The following PCDHGB5 variants were observed in gnomAD, a reference collection of about 807,000 sequenced individuals.
The protein encoded by PCDHGB5 is protocadherin gamma subfamily B, 5.
In PCDHGB5, 48 loss-of-function variants were observed where a neutral mutation model predicts 62.9. The observed-to-expected ratio is 0.76, with a 90% CI of 0.61 to 0.97. PCDHGB5 has a LOEUF of 0.97. PCDHGB5 is among the 50% of genes least tolerant of loss of function. The pLI is 0.00. For synonymous variants in PCDHGB5, 474 were observed against 511.2 expected, an observed-to-expected ratio of 0.93 and a Z score of 0.98; for missense variants, 1,118 against 1,198.6, an observed-to-expected ratio of 0.93 and a Z score of 0.99.
At position 141,489,651 on chromosome 5, in the gene PCDHGB5, G is replaced by A; in HGVS notation, c.2398-5156G>A. 6.2e-7 allele frequency: 1 copy of A among 1,614,186 alleles called. No individual in the cohort carries two copies. Among genetic ancestry groups the A allele is most frequent in the Non-Finnish European group, 8.5e-7 (1 of 1,180,032 alleles). ...ACTCTCCTAGCTTTGCCACCCCTGA[G>A]CGAGAGATGCGCATCTCAGAATCAG... On this transcript the variant is annotated intron_variant, in intron 1 of 3. Coordinates refer to ENST00000617380, the MANE Select transcript of PCDHGB5 (RefSeq NM_018925.3). The surrounding 1 kb of genome is among the most constrained non-coding windows in gnomAD (Gnocchi z 4.5).
chr5:141,455,130 A>T (rs1446894125), intron 1 of PCDHGB5, among the ~76,000 whole-genome samples: 2 of 150,970 alleles, frequency 1.3e-5, no homozygotes, highest in African/African-American at 4.8e-5. Flanking sequence ...GTTTTAAATT[A>T]CACTGTGTTA....
At position 141,454,796 on chromosome 5, in the gene PCDHGB5, A is replaced by ATTTTTTTTTTTTTTTTTTTT. The variant is rs61612330; in HGVS notation, c.2398-40001_2398-39982dup. Among the ~76,000 whole-genome samples, 20 of 77,456 alleles carry ATTTTTTTTTTTTTTTTTTTT rather than the reference A, an allele frequency of 2.6e-4. 2 individuals carry two copies. Among genetic ancestry groups the ATTTTTTTTTTTTTTTTTTTT allele is most frequent in the South Asian group, 5.1e-4 (1 of 1,960 alleles). The allele number at this position is 77,456 out of a possible 152,430, so 50.8% of individuals were successfully genotyped here. On this transcript the variant is annotated intron_variant, in intron 1 of 3. Transcript: ENST00000617380. Reference sequence around the variant, plus strand: ...AAGGAAATAATCCTCCATGGTTCTAATTTTTTTTTTTTTTTTTTTTTTTTT... The same window carrying ATTTTTTTTTTTTTTTTTTTT: ...AAGGAAATAATCCTCCATGGTTCTAATTTTTTTTTTTTTTTTTTTTTTTTTTTTTTTTTTTTTTTTTTTTT...
intron 1 of PCDHGB5, among the ~76,000 whole-genome samples, chr5:141,456,944 C>G (rs1172050038): frequency 6.6e-6 from 1 of 152,138 alleles, no homozygotes; most frequent in Non-Finnish European, 1.5e-5. Context: ...GCCTGGGCAA[C>G]AGAGCAAAAC....
chr5:141,427,467 T>TC, intron 1 of PCDHGB5: 1 of 508,052 alleles, frequency 2.0e-6, no homozygotes. Flanking sequence ...AATCGAATCT[T>TC]CCGCCAATAA....
chr5:141,428,154 T>C, intron 1 of PCDHGB5: 2 of 1,578,924 alleles, frequency 1.3e-6, no homozygotes, highest in Non-Finnish European at 1.7e-6. Flanking sequence ...CACGGGAACC[T>C]GCTGGTTGCT....
At chr5:141,509,106 A>T (rs1159119530) in intron 3 of PCDHGB5, among the ~76,000 whole-genome samples, 1 of 152,102 alleles carries the variant, frequency 6.6e-6, no homozygotes, top group Non-Finnish European at 1.5e-5. Flanking sequence ...TAGAAACCTG[A>T]GCGCTGGTGC....
intron 1 of PCDHGB5, chr5:141,423,343 C>T: frequency 6.2e-7 from 1 of 1,614,208 alleles, no homozygotes; most frequent in South Asian, 1.1e-5. Flanking sequence ...CTGCATCTTC[C>T]TGGTCTTTGT....
intron 1 of PCDHGB5, chr5:141,418,770 A>G: frequency 6.2e-7 from 1 of 1,613,892 alleles, no homozygotes; most frequent in Non-Finnish European, 8.5e-7. Context: ...ATTCTAACTC[A>G]GCAGCCTTTG....
chr5:141,418,647 G>C, intron 1 of PCDHGB5: 1 of 1,614,034 alleles, frequency 6.2e-7, no homozygotes, highest in Non-Finnish European at 8.5e-7. Flanking sequence ...TCCATCCTGA[G>C]AGTGAAGGCC....
At chr5:141,467,018 CTTTGT>C (rs1209768587) in intron 1 of PCDHGB5, among the ~76,000 whole-genome samples, 4 of 149,992 alleles carry the variant, frequency 2.7e-5, no homozygotes, top group African/African-American at 7.3e-5. Context: ...ATTTTTTTCC[CTTTGT>C]TTTTGTTTTT....
chr5:141,432,413 G>T lies in PCDHGB5; in HGVS notation c.2397+31889G>T, dbSNP rs369816901. On this transcript the variant is annotated intron_variant, in intron 1 of 3. Transcript: ENST00000617380. This position sits in a 1 kb window ranked among gnomAD's most constrained non-coding sequence, Gnocchi z 6.0. ...CAGCAACGTGTCGTTGAGCCTGTTCGTGCTGGACCAGAACGACAATGCGCC... is the reference window on the plus strand; with the variant it reads ...CAGCAACGTGTCGTTGAGCCTGTTCTTGCTGGACCAGAACGACAATGCGCC... The T allele has an allele frequency of 6.2e-7, 1 of 1,614,232 alleles. No homozygotes were observed.
Position 141,432,970 on chromosome 5 carries a change from G to C in PCDHGB5, c.2397+32446G>C, listed in dbSNP as rs371130763. On this transcript the variant is annotated intron_variant, in intron 1 of 3. Transcript: ENST00000617380. This position sits in a 1 kb window ranked among gnomAD's most constrained non-coding sequence, Gnocchi z 6.0. ...GAGGCGGCTTGACAGGAGCGCCGGC[G>C]TCGCACTTTGTGGGCGTGGACGGGG... is the stretch of plus-strand genomic sequence containing the variant. 25 of 1,614,114 alleles carry C rather than the reference G, an allele frequency of 1.5e-5. No individual in the cohort carries two copies. Among genetic ancestry groups the C allele is most frequent in the African/African-American group, 1.1e-4 (8 of 75,054 alleles).
chr5:141,449,876 C>G (rs924666805), intron 1 of PCDHGB5, among the ~76,000 whole-genome samples: 2 of 151,724 alleles, frequency 1.3e-5, no homozygotes, highest in Non-Finnish European at 2.9e-5. Flanking sequence ...AATTTAACAT[C>G]AATGCAATAT....
intron 1 of PCDHGB5, chr5:141,478,008 C>T: frequency 6.2e-7 from 1 of 1,614,124 alleles, no homozygotes; most frequent in Non-Finnish European, 8.5e-7. Flanking sequence ...ATCAGTACTG[C>T]CCGTCCAGTC....
chr5:141,419,451 C>T (rs747887064), intron 1 of PCDHGB5: 2 of 1,612,796 alleles, frequency 1.2e-6, no homozygotes, highest in Non-Finnish European at 8.5e-7. Flanking sequence ...TTCGAGCTCA[C>T]GCTGCAGGCC....
rs201021035 is a variant in PCDHGB5 at position 141,398,584 on chromosome 5, A to G, written c.457A>G (p.Ile153Val). 8.7e-5 allele frequency: 141 copies of G among 1,614,066 alleles called. 1 individual carries two copies. In the African/African-American group the frequency reaches 1.0e-3, roughly 12 times the overall value. ...SESAQPGTRFILEVAEDADIG... is the reference protein window; with the variant it reads ...SESAQPGTRFVLEVAEDADIG... ...GTCTGCACAGCCTGGCACAAGATTT[A>G]TACTAGAAGTAGCAGAAGATGCAGA... Residue 153 changes from isoleucine (I) to valine (V), a missense_variant, in exon 1 of 4, where the codon ATA becomes GTA. Around this residue, in one of 2 missense-constraint regions of PCDHGB5, gnomAD observed 1,034 missense variants for 1,029.1 expected, o/e 1.00. Transcript: ENST00000617380.
At chr5:141,460,616 TAGAC>T (rs533223594) in intron 1 of PCDHGB5, among the ~76,000 whole-genome samples, 44 of 152,232 alleles carry the variant, frequency 2.9e-4, no homozygotes, top group Middle Eastern at 3.4e-3. Context: ...GATGGATAGA[TAGAC>T]AGATACAGAT....
intron 1 of PCDHGB5, chr5:141,415,066 C>G: frequency 6.2e-7 from 1 of 1,613,410 alleles, no homozygotes; most frequent in Non-Finnish European, 8.5e-7. Context: ...GGGCGAGGTG[C>G]GCACGGCGCG....
rs770828917 is a variant in PCDHGB5 at position 141,431,306 on chromosome 5, C to G, written c.2397+30782C>G. ...GAACACTCACTTCTCCCTCATCGTG[C>G]AAAATGGAGCCGACGGTAGTAAGTA... On this transcript the variant is annotated intron_variant, in intron 1 of 3. Transcript: ENST00000617380. The surrounding 1 kb of genome is among the most constrained non-coding windows in gnomAD (Gnocchi z 4.8). 6.2e-7 allele frequency: 1 copy of G among 1,614,124 alleles called. No homozygotes were observed. The highest frequency in any genetic ancestry group is 2.2e-5 in the East Asian group (1 of 44,878).
Sources: gnomAD v4.1 joint callset for allele counts (sites outside exome capture counted in the v4.1 genomes callset) on GRCh38, gnomAD v4.1.1 for gene constraint, gnomAD v4.1.1 regional missense constraint, Gnocchi (gnomAD v3.1) non-coding constraint, MANE v1.5 for transcripts, NCBI Gene and HGNC (gene_info 2026-07-23, HGNC 2026-07-21) for gene names.